The following HS6ST2 variants were observed in gnomAD, a reference collection of about 807,000 sequenced individuals.
HS6ST2 encodes heparan-sulfate 6-O-sulfotransferase 2.
In HS6ST2, 17 loss-of-function variants were observed where a neutral mutation model predicts 33.0. That is an observed-to-expected ratio of 0.52 (90% confidence interval 0.35 to 0.77). HS6ST2 has a LOEUF of 0.77. Among genes scored for constraint, HS6ST2 ranks in the 30% least tolerant of loss-of-function variants. The pLI is 0.01. For synonymous variants in HS6ST2, 248 were observed against 237.1 expected (o/e 1.05, Z -0.42); for missense variants, 519 against 551.7 (o/e 0.94, Z 0.59).
At chrX:132,919,052 T>C (rs1221035228) in intron 2 of HS6ST2, among the ~76,000 whole-genome samples, 1 of 112,161 alleles carries the variant, frequency 8.9e-6, no homozygotes, top group African/African-American at 3.2e-5. Context: ...AGTTGCCTTT[T>C]CTGGTTTGGC....
chrX:132,854,232 A>T (rs1456398648), intron 2 of HS6ST2, among the ~76,000 whole-genome samples: 2 of 112,186 alleles, frequency 1.8e-5, no homozygotes, highest in East Asian at 5.6e-4. Flanking sequence ...TACAACATCC[A>T]TCTTTTCAGA....
At chrX:132,943,573 C>T (rs1348442714) in intron 2 of HS6ST2, among the ~76,000 whole-genome samples, 1 of 111,153 alleles carries the variant, frequency 9.0e-6, no homozygotes, top group Non-Finnish European at 1.9e-5. Flanking sequence ...AAATTTAGAC[C>T]AATATCCATG....
At chrX:132,749,580 AGGCAACAGACAGCT>A (rs1403286767) in intron 2 of HS6ST2, among the ~76,000 whole-genome samples, 1 of 112,344 alleles carries the variant, frequency 8.9e-6, no homozygotes, top group Non-Finnish European at 1.9e-5. Context: ...TGTCTGTGTC[AGGCAACAGACAGCT>A]GGCTAAGTGA....
At chrX:132,896,138 G>A (rs2066373032) in intron 2 of HS6ST2, among the ~76,000 whole-genome samples, 1 of 110,542 alleles carries the variant, frequency 9.0e-6, no homozygotes, top group African/African-American at 3.3e-5. Context: ...TGGGGGACTG[G>A]GGATGGGTGA....
In HS6ST2 at chrX:132,628,877, G is replaced by T; in HGVS notation, c.1284C>A (p.Asn428Lys). 1 of 1,211,737 alleles carries T rather than the reference G, an allele frequency of 8.3e-7. No individual in the cohort carries two copies. The highest frequency in any genetic ancestry group is 1.1e-6 in the Non-Finnish European group (1 of 895,439). ...GGTCGGAGAGCATGCGCACCTGGCGGTTGTTGGCTAGATTGTAGGGACAGT... is the reference window on the plus strand; with the variant it reads ...GGTCGGAGAGCATGCGCACCTGGCGTTTGTTGGCTAGATTGTAGGGACAGT... ...FMDCPYNLAN[N>K]RQVRMLSDLT... Residue 428 changes from asparagine (N) to lysine (K), a missense_variant, in exon 5 of 5, where the codon AAC (asparagine) becomes AAA (lysine). By Grantham distance (94) the Asn-to-Lys change is moderately conservative. Transcript: ENST00000370833.
intron 2 of HS6ST2, among the ~76,000 whole-genome samples, chrX:132,752,404 G>A (rs887743370): frequency 9.4e-6 from 1 of 105,913 alleles, no homozygotes; most frequent in Admixed American, 1.0e-4. Flanking sequence ...TCTGGGAGGC[G>A]GAGGTTGCAA....
At chrX:132,884,395 G>C (rs2066223751) in intron 2 of HS6ST2, among the ~76,000 whole-genome samples, 1 of 111,914 alleles carries the variant, frequency 8.9e-6, no homozygotes, top group South Asian at 3.8e-4. Context: ...TGTTTTGAGT[G>C]CTACTCCTTT....
intron 2 of HS6ST2, among the ~76,000 whole-genome samples, chrX:132,826,875 C>T (rs1019736613): frequency 9.0e-5 from 10 of 111,170 alleles, no homozygotes; most frequent in African/African-American, 3.3e-4. Flanking sequence ...CGTATGCCAG[C>T]TGGGGACCTG....
At position 132,864,448 on chromosome X, in the gene HS6ST2, G is replaced by A. The variant is rs781379031; in HGVS notation, c.947+92360C>T. Among the ~76,000 whole-genome samples the A allele has an allele frequency of 1.2e-4, 13 of 107,077 alleles. No homozygotes were observed. In the South Asian group the frequency reaches 3.8e-3, roughly 32 times the overall value. 93.0% of individuals were successfully genotyped at this position (107,077 alleles called of 115,157 possible). On this transcript the variant is annotated intron_variant, in intron 2 of 4. Coordinates refer to ENST00000370833, the MANE Select transcript of HS6ST2 (RefSeq NM_001394073.1). ...TGAAAACACAGCATGAGAACTTCAC[G>A]AAGGATACACAAGTATAAACAGCCA... is the stretch of plus-strand genomic sequence containing the variant.
At chrX:132,823,514 C>T (rs781652833) in intron 2 of HS6ST2, among the ~76,000 whole-genome samples, 10 of 109,236 alleles carry the variant, frequency 9.2e-5, no homozygotes, top group African/African-American at 1.3e-4. Context: ...ACTTATAAGT[C>T]AGAACAAATG....
At chrX:132,750,440 G>A (rs1602638139) in intron 2 of HS6ST2, among the ~76,000 whole-genome samples, 1 of 110,452 alleles carries the variant, frequency 9.1e-6, no homozygotes, top group South Asian at 3.9e-4. Context: ...GGTAAGGAGT[G>A]AGCAAGTAAA....
At position 132,808,332 on chromosome X, in the gene HS6ST2, G is replaced by C. The variant is rs1035258603; in HGVS notation, c.948-99838C>G. ...AATTTGTTTTGATATTTCAAAATGT[G>C]CCTGTAATATAAATGATTCCTGTAA... On this transcript the variant is annotated intron_variant, in intron 2 of 4. Transcript: ENST00000370833. Among the ~76,000 whole-genome samples, 4 of 111,775 alleles carry C rather than the reference G, an allele frequency of 3.6e-5. No individual in the cohort carries two copies. In the South Asian group the frequency reaches 1.1e-3, roughly 32 times the overall value.
At chrX:132,822,817 C>T (rs2065473160) in intron 2 of HS6ST2, among the ~76,000 whole-genome samples, 1 of 112,039 alleles carries the variant, frequency 8.9e-6, no homozygotes, top group South Asian at 3.8e-4. Flanking sequence ...AGTCAGAGGC[C>T]TGTTGTCAAA....
chrX:132,687,129 C>T (rs1444063929), intron 3 of HS6ST2, among the ~76,000 whole-genome samples: 1 of 111,673 alleles, frequency 9.0e-6, no homozygotes, highest in Non-Finnish European at 1.9e-5. Context: ...CAGCGCTTTT[C>T]GTTCTTTGCC....
chrX:132,731,666 T>C (rs1270834082), intron 2 of HS6ST2, among the ~76,000 whole-genome samples: 4 of 110,775 alleles, frequency 3.6e-5, no homozygotes, highest in Non-Finnish European at 7.6e-5. Flanking sequence ...GCTAACACGG[T>C]GAAACCCCGT....
At chrX:132,664,939 G>A (rs1191679961) in intron 4 of HS6ST2, among the ~76,000 whole-genome samples, 4 of 111,708 alleles carry the variant, frequency 3.6e-5, no homozygotes, top group Non-Finnish European at 7.5e-5. Flanking sequence ...GCTTTGGTTG[G>A]CTGATTCGAG....
chrX:132,933,099 G>A (rs1203226906), intron 2 of HS6ST2, among the ~76,000 whole-genome samples: 1 of 109,719 alleles, frequency 9.1e-6, no homozygotes, highest in Non-Finnish European at 1.9e-5. Context: ...GGCCTAGGTA[G>A]GCAGATCACT....
At chrX:132,698,647 C>T (rs2064120493) in intron 3 of HS6ST2, among the ~76,000 whole-genome samples, 2 of 111,586 alleles carry the variant, frequency 1.8e-5, no homozygotes, top group Non-Finnish European at 3.8e-5. Context: ...TAAGACCTGG[C>T]CCCATATCAT....
intron 3 of HS6ST2, chrX:132,669,503 A>G (rs944188587): frequency 1.2e-4 from 18 of 147,873 alleles, no homozygotes; most frequent in Admixed American, 8.9e-4. Flanking sequence ...GGGGGCCTCT[A>G]GTTTTAAAAA....
Sources: allele counts gnomAD v4.1 joint callset (sites outside exome capture counted in the v4.1 genomes callset), GRCh38; gene constraint gnomAD v4.1.1; transcripts MANE v1.5; gene names NCBI Gene and HGNC (gene_info 2026-07-23, HGNC 2026-07-21).